DNAAF10: variants seen among roughly 807,000 people sequenced by gnomAD.
DNAAF10 encodes the protein WD repeat domain 92.
In DNAAF10, 28 loss-of-function variants were observed where a neutral mutation model predicts 43.7. That is an observed-to-expected ratio of 0.64 (90% confidence interval 0.48 to 0.88). The LOEUF is 0.88. Ranked by LOEUF, DNAAF10 falls within the 40% of genes least tolerant of loss-of-function variation. DNAAF10 has a pLI of 0.00. For missense variants in DNAAF10, 403 were observed against 439.1 expected (o/e 0.92, Z 0.73); for synonymous variants, 156 against 157.3 (o/e 0.99, Z 0.06).
intron 1 of DNAAF10, among the ~76,000 whole-genome samples, chr2:68,153,646 G>C (rs911307580): frequency 1.3e-5 from 2 of 151,498 alleles, no homozygotes; most frequent in Non-Finnish European, 2.9e-5. Flanking sequence ...GCACTCAAAT[G>C]ATCCTGATGC....
chr2:68,150,569 C>T (rs1441899952), intron 1 of DNAAF10, among the ~76,000 whole-genome samples: 1 of 151,850 alleles, frequency 6.6e-6, no homozygotes, highest in African/African-American at 2.4e-5. Context: ...CCCCTCTCTA[C>T]TAAAAATACA....
At chr2:68,141,084 T>C (rs1208590196) in intron 4 of DNAAF10, among the ~76,000 whole-genome samples, 1 of 152,182 alleles carries the variant, frequency 6.6e-6, no homozygotes, top group Non-Finnish European at 1.5e-5. Flanking sequence ...GGTGGGGACA[T>C]AGATCCAAAC....
At chr2:68,133,539 G>T (rs898095833) in intron 7 of DNAAF10, among the ~76,000 whole-genome samples, 4 of 152,118 alleles carry the variant, frequency 2.6e-5, no homozygotes, top group Non-Finnish European at 5.9e-5. Flanking sequence ...AATCACCTGA[G>T]GTCAGGAGTT....
chr2:68,152,807 G>A (rs948693419), intron 1 of DNAAF10, among the ~76,000 whole-genome samples: 3 of 152,174 alleles, frequency 2.0e-5, no homozygotes, highest in Admixed American at 2.0e-4. Context: ...AGTAATTCCT[G>A]TGTGAGCTAT....
chr2:68,143,870 A>T (rs1404865227), intron 3 of DNAAF10, among the ~76,000 whole-genome samples: 1 of 152,334 alleles, frequency 6.6e-6, no homozygotes, highest in African/African-American at 2.4e-5. Flanking sequence ...ATTAAAAAAA[A>T]TAAGTGATTT....
At chr2:68,153,466 C>G (rs1673505420) in intron 1 of DNAAF10, among the ~76,000 whole-genome samples, 1 of 151,700 alleles carries the variant, frequency 6.6e-6, no homozygotes, top group South Asian at 2.1e-4. Flanking sequence ...CCATCTAGCT[C>G]AATGGTTCTC....
At chr2:68,150,221 A>T (rs572726903) in intron 1 of DNAAF10, among the ~76,000 whole-genome samples, 13 of 152,210 alleles carry the variant, frequency 8.5e-5, no homozygotes, top group Non-Finnish European at 1.9e-4. Context: ...CCTCCCTGTT[A>T]TTCTTTTACC....
chr2:68,134,806 A>G lies in DNAAF10; in HGVS notation c.769-7T>C. ...ACACAGTAGATTTATGAGCCTAAAT[A>G]GAACAAGAGGCATACAACTGGTTTA... On this transcript the variant is annotated splice_region_variant and splice_polypyrimidine_tract_variant and intron_variant, in intron 6 of 7. Coordinates refer to ENST00000295121, the MANE Select transcript of DNAAF10 (RefSeq NM_138458.4). 6.2e-7 allele frequency: 1 copy of G among 1,613,594 alleles called. No homozygotes were observed. The highest frequency in any genetic ancestry group is 8.5e-7 in the Non-Finnish European group (1 of 1,179,892).
Position 68,131,381 on chromosome 2 carries a change from C to T in DNAAF10, c.931G>A (p.Val311Ile). ...EGIEMGVAGS[V>I]SLLQNVTLST... ...AACGTAACATTCTGCAGAAGGCTTA[C>T]AGAACCTGCGACTCCCATTTCTATT... The change falls in exon 8 of 8, where the codon GTA becomes ATA. Residue 311 changes from valine (V) to isoleucine (I), a missense_variant. Physicochemically the swap from Val to Ile is conservative, Grantham distance 29. Transcript: ENST00000295121. The T allele has an allele frequency of 2.5e-6, 4 of 1,614,204 alleles. No individual in the cohort carries two copies. Among genetic ancestry groups the T allele is most frequent in the Non-Finnish European group, 3.4e-6 (4 of 1,180,036 alleles).
chr2:68,153,364 AAAAG>A (rs1267383453), intron 1 of DNAAF10, among the ~76,000 whole-genome samples: 1 of 151,684 alleles, frequency 6.6e-6, no homozygotes, highest in African/African-American at 2.4e-5. Context: ...AAAAAAAAAA[AAAAG>A]AACGATGCAT....
rs147732476 is a variant in DNAAF10 at position 68,153,641 on chromosome 2, C to G, written c.183+3620G>C. 5.5e-3 allele frequency among the ~76,000 whole-genome samples: 837 copies of G among 151,786 alleles called. 3 individuals are homozygous for G. The highest frequency in any genetic ancestry group is 9.3e-3 in the Non-Finnish European group (633 of 67,932). On this transcript the variant is annotated intron_variant, in intron 1 of 7. Transcript: ENST00000295121. The stretch of plus-strand genomic sequence containing the variant: ...ACACACACAAGCCACAAAATGCACT[C>G]AAATGATCCTGATGCACAGTAAGGA...
At position 68,139,123 on chromosome 2, in the gene DNAAF10, G is replaced by A. The variant is rs376221021; in HGVS notation, c.518-266C>T. Among the ~76,000 whole-genome samples, 13 of 152,132 alleles carry A rather than the reference G, an allele frequency of 8.5e-5. No homozygotes were observed. The South Asian group carries it at 2.5e-3, about 29-fold the overall frequency. On this transcript the variant is annotated intron_variant, in intron 4 of 7. Transcript: ENST00000295121. ...ATGTTGACGTATGATCCCCAATGTC[G>A]GAGGTGGGGCCTGATGGGAGGTGCT...
At chr2:68,149,712 T>C (rs1171368245) in intron 1 of DNAAF10, among the ~76,000 whole-genome samples, 1 of 152,184 alleles carries the variant, frequency 6.6e-6, no homozygotes, top group African/African-American at 2.4e-5. Context: ...AGGGCACAAT[T>C]TCTATGGTGA....
intron 4 of DNAAF10, among the ~76,000 whole-genome samples, chr2:68,139,697 G>C (rs917800575): frequency 6.6e-6 from 1 of 151,026 alleles, no homozygotes; most frequent in African/African-American, 2.4e-5. Flanking sequence ...CCAGCTACTC[G>C]GGAGGCTGAG....
At chr2:68,138,910 G>C (rs995391736) in intron 4 of DNAAF10, 53 bp from the exon 5 acceptor site, 17 of 1,327,616 alleles carry the variant, frequency 1.3e-5, no homozygotes, top group South Asian at 2.5e-5. Flanking sequence ...CCTTATAAAG[G>C]CTGCTTTAAA....
chr2:68,142,693 C>A (rs1436624012), intron 3 of DNAAF10, among the ~76,000 whole-genome samples: 1 of 151,414 alleles, frequency 6.6e-6, no homozygotes, highest in Non-Finnish European at 1.5e-5. Context: ...GGACTACTTA[C>A]TAAAATAGTG....
At chr2:68,157,119 T>A (rs2103652730) in intron 1 of DNAAF10, 142 bp downstream of exon 1, 2 of 1,138,286 alleles carry the variant, frequency 1.8e-6, no homozygotes, top group Non-Finnish European at 2.5e-6. Flanking sequence ...CATTCCTCAG[T>A]CGGCGGTCAG....
chr2:68,146,199 T>C (rs1558611146), intron 2 of DNAAF10, among the ~76,000 whole-genome samples: 2 of 151,964 alleles, frequency 1.3e-5, no homozygotes, highest in African/African-American at 2.4e-5. Context: ...GAGGTGGAGG[T>C]TGCAGTGAGC....
intron 2 of DNAAF10, 107 bp from the exon 3 acceptor site, chr2:68,144,822 A>G: frequency 7.2e-7 from 1 of 1,388,568 alleles, no homozygotes; most frequent in Non-Finnish European, 9.5e-7. Flanking sequence ...ATAGAAATTA[A>G]GGTTTTGCTA....
Sources: allele counts gnomAD v4.1 joint callset (sites outside exome capture counted in the v4.1 genomes callset), GRCh38; gene constraint gnomAD v4.1.1; transcripts MANE v1.5; gene names NCBI Gene and HGNC (gene_info 2026-07-23, HGNC 2026-07-21).